NFASC: variants seen among roughly 807,000 people sequenced by gnomAD.
NFASC encodes the protein neurofascin, also known as neurofascin homolog.
A neutral mutation model predicts 147.5 loss-of-function variants in NFASC; 43 were observed. The observed-to-expected ratio is 0.29, with a 90% CI of 0.23 to 0.38. The LOEUF is 0.38. Among genes scored for constraint, NFASC ranks in the 10% least tolerant of loss-of-function variants. The probability of loss-of-function intolerance (pLI) is 1.00; values close to 1 mark genes in which losing one functional copy is unlikely to be tolerated. For synonymous variants in NFASC, 622 were observed against 665.5 expected, an observed-to-expected ratio of 0.93 and a Z score of 1.01; for missense variants, 1,320 against 1,689.0, an observed-to-expected ratio of 0.78 and a Z score of 3.83.
chr1:204,987,657 G>A lies in NFASC; in HGVS notation c.2593+117G>A. On this transcript the variant is annotated intron_variant, in intron 22 of 29. Transcript: ENST00000339876. The surrounding 1 kb of genome is among the most constrained non-coding windows in gnomAD (Gnocchi z 4.4). ...GTGGGTGCAGATGGCATTGTGGAGGGATGGAGGGGCCAACGAAACAGTTCC... is the reference window on the plus strand; with the variant it reads ...GTGGGTGCAGATGGCATTGTGGAGGAATGGAGGGGCCAACGAAACAGTTCC... 1 of 1,209,196 alleles carries A rather than the reference G, an allele frequency of 8.3e-7. No individual in the cohort carries two copies. The allele number at this position is 1,209,196 out of a possible 1,614,324, so 74.9% of individuals were successfully genotyped here.
chr1:204,967,666 T>C (rs1474822606), intron 8 of NFASC, among the ~76,000 whole-genome samples: 10 of 151,980 alleles, frequency 6.6e-5, no homozygotes, highest in Admixed American at 6.6e-4. Context: ...CCCGGAGTGA[T>C]TTCCTGTCAT....
intron 1 of NFASC, among the ~76,000 whole-genome samples, chr1:204,836,744 C>T (rs1048093564): frequency 3.3e-5 from 5 of 152,204 alleles, no homozygotes; most frequent in South Asian, 4.1e-4. Context: ...TCTATGCTGA[C>T]GTAGGTCAGG....
Position 204,968,483 on chromosome 1 carries a change from A to T in NFASC, c.818+123A>T. 1 of 721,110 alleles carries T rather than the reference A, an allele frequency of 1.4e-6. No individual in the cohort carries two copies. Among genetic ancestry groups the T allele is most frequent in the Non-Finnish European group, 2.4e-6 (1 of 420,766 alleles). The allele number at this position is 721,110 out of a possible 1,614,324, so 44.7% of individuals were successfully genotyped here. A position where few individuals can be genotyped will look rare whatever the true frequency, so the allele number is the denominator to read the frequency against. On this transcript the variant is annotated intron_variant, in intron 9 of 29. Transcript: ENST00000339876. This position sits in a 1 kb window ranked among gnomAD's most constrained non-coding sequence, Gnocchi z 5.4. The stretch of plus-strand genomic sequence containing the variant: ...AGTAGCACAGCAAAAAGAGAAGCAA[A>T]CAGCCTCTAGTGAGCAGGGTGTTGC...
rs2096385404 is a variant in NFASC at position 205,019,475 on chromosome 1, C to CATTCATTCATT, written c.*2936_*2937insATTCATTCATT. ...TGTGGTTTCCTGTGCTCTCATTTGT[C>CATTCATTCATT]CATTCATTCATTCATTCATTCATTC... On this transcript the variant is annotated 3_prime_UTR_variant, in exon 30 of 30. Coordinates refer to ENST00000339876, the MANE Select transcript of NFASC (RefSeq NM_001005388.3). 2 of 151,272 alleles carry CATTCATTCATT rather than the reference C, an allele frequency of 1.3e-5. No homozygotes were observed. Among genetic ancestry groups the CATTCATTCATT allele is most frequent in the African/African-American group, 2.4e-5 (1 of 41,058 alleles). The allele number at this position is 151,272 out of a possible 1,614,324, so 9.4% of individuals were successfully genotyped here. A position where few individuals can be genotyped will look rare whatever the true frequency, so the allele number is the denominator to read the frequency against.
At chr1:204,909,909 G>C (rs1458696908) in intron 1 of NFASC, among the ~76,000 whole-genome samples, 2 of 150,562 alleles carry the variant, frequency 1.3e-5, no homozygotes, top group East Asian at 3.9e-4. Context: ...TTTCTATTTT[G>C]GGTTTTTTTT....
At position 204,968,452 on chromosome 1, in the gene NFASC, C is replaced by T. The variant is rs1471480325; in HGVS notation, c.818+92C>T. On this transcript the variant is annotated intron_variant, in intron 9 of 29. Coordinates refer to ENST00000339876, the MANE Select transcript of NFASC (RefSeq NM_001005388.3). The surrounding 1 kb of genome is among the most constrained non-coding windows in gnomAD (Gnocchi z 5.4). The stretch of plus-strand genomic sequence containing the variant: ...GCTCTTGTTAATGCCACATTTAGTG[C>T]ATACCAGTAGCACAGCAAAAAGAGA... 4 of 919,496 alleles carry T rather than the reference C, an allele frequency of 4.4e-6. No homozygotes were observed. The African/African-American group carries it at 4.9e-5, about 11-fold the overall frequency. The allele number at this position is 919,496 out of a possible 1,614,324, so 57.0% of individuals were successfully genotyped here. A position where few individuals can be genotyped will look rare whatever the true frequency, so the allele number is the denominator to read the frequency against.
chr1:205,016,648 G>T lies in NFASC; in HGVS notation c.*109G>T. 2 of 784,654 alleles carry T rather than the reference G, an allele frequency of 2.5e-6. No individual in the cohort carries two copies. The highest frequency in any genetic ancestry group is 2.9e-5 in the South Asian group (2 of 69,796). The allele number at this position is 784,654 out of a possible 1,614,324, so 48.6% of individuals were successfully genotyped here. ...AGCCACCACCACCTTCAGTAACAAGGGTACGATATGGGGGTCTGCCAAGCT... is the reference window on the plus strand; with the variant it reads ...AGCCACCACCACCTTCAGTAACAAGTGTACGATATGGGGGTCTGCCAAGCT... On this transcript the variant is annotated 3_prime_UTR_variant, in exon 30 of 30. Coordinates refer to ENST00000339876, the MANE Select transcript of NFASC (RefSeq NM_001005388.3). The surrounding 1 kb of genome is among the most constrained non-coding windows in gnomAD (Gnocchi z 5.1).
rs529446124 is a variant in NFASC, at chr1:204,986,203, G to C, written c.2471-1215G>C. 1 of 951,762 alleles carries C rather than the reference G, an allele frequency of 1.1e-6. No homozygotes were observed. Among genetic ancestry groups the C allele is most frequent in the Non-Finnish European group, 1.7e-6 (1 of 601,298 alleles). 59.0% of individuals were successfully genotyped at this position (951,762 alleles called of 1,614,324 possible). Reference sequence around the variant, plus strand: ...GAGAAACTCCAGCGTGGCTCAGCATGGATGGCACAAGGTGACTTCTGCGAG... The same window carrying C: ...GAGAAACTCCAGCGTGGCTCAGCATCGATGGCACAAGGTGACTTCTGCGAG... On this transcript the variant is annotated intron_variant, in intron 21 of 29. Transcript: ENST00000339876. The surrounding 1 kb of genome is among the most constrained non-coding windows in gnomAD (Gnocchi z 4.2).
At chr1:204,928,655 A>G (rs1022186565) in intron 2 of NFASC, among the ~76,000 whole-genome samples, 1 of 152,204 alleles carries the variant, frequency 6.6e-6, no homozygotes, top group Non-Finnish European at 1.5e-5. Flanking sequence ...GTCCATAACA[A>G]GTGGATGGTT....
At chr1:204,937,170 C>G (rs1839322) in intron 2 of NFASC, among the ~76,000 whole-genome samples, 25,843 of 151,804 alleles carry the variant, frequency 0.17, 2,976 homozygotes, top group African/African-American at 0.33. Flanking sequence ...AAAAACACTT[C>G]TAGAGCAGTT....
At chr1:204,887,286 A>C (rs754270959) in intron 1 of NFASC, among the ~76,000 whole-genome samples, 7 of 152,232 alleles carry the variant, frequency 4.6e-5, no homozygotes, top group Non-Finnish European at 7.3e-5. Context: ...TTCACTTAGC[A>C]TGAATGTCTT....
At chr1:204,848,909 C>G (rs1558494527) in intron 1 of NFASC, among the ~76,000 whole-genome samples, 1 of 152,214 alleles carries the variant, frequency 6.6e-6, no homozygotes, top group African/African-American at 2.4e-5. Flanking sequence ...GCGATAATAC[C>G]ACAGAGGCCA....
chr1:204,991,540 G>T (rs1181090598), intron 24 of NFASC, among the ~76,000 whole-genome samples: 1 of 152,224 alleles, frequency 6.6e-6, no homozygotes, highest in East Asian at 1.9e-4. Flanking sequence ...CTGAGTAGGA[G>T]AATGGCTCAG....
chr1:204,984,003 GCT>G (rs1286063121), intron 21 of NFASC: 3 of 1,547,998 alleles, frequency 1.9e-6, no homozygotes, highest in Non-Finnish European at 2.7e-6. Context: ...TGCATAACCA[GCT>G]CTCTGTCCCA....
chr1:204,854,421 A>G (rs1028815137), intron 1 of NFASC, among the ~76,000 whole-genome samples: 2 of 152,112 alleles, frequency 1.3e-5, no homozygotes, highest in African/African-American at 4.8e-5. Context: ...AAGCTGACCT[A>G]ATTACCTGCA....
chr1:204,945,894 C>A (rs920745585), intron 3 of NFASC, among the ~76,000 whole-genome samples: 7 of 152,194 alleles, frequency 4.6e-5, no homozygotes, highest in Non-Finnish European at 1.0e-4. Flanking sequence ...CATTTCTCTT[C>A]TGCCACTTCT....
intron 1 of NFASC, among the ~76,000 whole-genome samples, chr1:204,889,740 A>G (rs147035359): frequency 9.7e-4 from 147 of 152,290 alleles, no homozygotes; most frequent in African/African-American, 3.4e-3. Context: ...GAGATCCCAG[A>G]TCCCAGAAAC....
chr1:204,860,268 C>T (rs2076545520), intron 1 of NFASC, among the ~76,000 whole-genome samples: 2 of 152,204 alleles, frequency 1.3e-5, no homozygotes, highest in Non-Finnish European at 2.9e-5. Flanking sequence ...GGAACTGTTC[C>T]TGCTTCTCCC....
chr1:205,010,700 G>C lies in NFASC; in HGVS notation c.3421+1012G>C, dbSNP rs1022022722. On this transcript the variant is annotated intron_variant, in intron 28 of 29. Coordinates refer to ENST00000339876, the MANE Select transcript of NFASC (RefSeq NM_001005388.3). This position sits in a 1 kb window ranked among gnomAD's most constrained non-coding sequence, Gnocchi z 4.1. Reference sequence around the variant, plus strand: ...GCAGATCACTTGAGGTCAGGAGTTCGAGACCAGCCTGGCCAACATGGTGAA... The same window carrying C: ...GCAGATCACTTGAGGTCAGGAGTTCCAGACCAGCCTGGCCAACATGGTGAA... 1 of 152,144 alleles carries C rather than the reference G, an allele frequency of 6.6e-6. No individual in the cohort carries two copies. The highest frequency in any genetic ancestry group is 1.5e-5 in the Non-Finnish European group (1 of 68,056). 9.4% of individuals were successfully genotyped at this position (152,144 alleles called of 1,614,324 possible).
Sources: allele counts gnomAD v4.1 joint callset (sites outside exome capture counted in the v4.1 genomes callset), GRCh38; gene constraint gnomAD v4.1.1; non-coding constraint Gnocchi (gnomAD v3.1); transcripts MANE v1.5; gene names NCBI Gene and HGNC (gene_info 2026-07-23, HGNC 2026-07-21).